Variants in ZNF527 observed in about 807,000 individuals in gnomAD.
ZNF527 encodes zinc finger protein 527.
Under a neutral mutation model 13.5 loss-of-function variants are expected in ZNF527, and 5 were observed. The ratio of observed to expected loss-of-function variants is 0.37; its 90% CI spans 0.19 to 0.78. The LOEUF (loss-of-function observed/expected upper bound fraction) is 0.78. Ranked by LOEUF, ZNF527 falls within the 30% of genes least tolerant of loss-of-function variation. ZNF527 has a pLI of 0.48. For synonymous variants in ZNF527, 209 were observed against 243.1 expected (o/e 0.86, Z 1.30); for missense variants, 628 against 726.4 (o/e 0.86, Z 1.56).
chr19:37,392,033 T>C lies in ZNF527; in HGVS notation c.*2154T>C, dbSNP rs1206967655. On this transcript the variant is annotated 3_prime_UTR_variant, in exon 5 of 5. Transcript: ENST00000436120. ...ACTTATACTTATTTCTAATAAAATC[T>C]GAAAATTATTTTTCATAAATATTCA... The C allele has an allele frequency of 6.6e-6, 1 of 152,242 alleles. No individual in the cohort carries two copies. Among genetic ancestry groups the C allele is most frequent in the Non-Finnish European group, 1.5e-5 (1 of 68,044 alleles). The allele number at this position is 152,242 out of a possible 1,614,324, so 9.4% of individuals were successfully genotyped here.
chr19:37,389,799 T>C lies in ZNF527; in HGVS notation c.1750T>C (p.Cys584Arg). ...TCACGCTGGAGAAAAACCTTATAAATGTAACGAATGTGGGAATAATTTTAG... is the reference window on the plus strand; with the variant it reads ...TCACGCTGGAGAAAAACCTTATAAACGTAACGAATGTGGGAATAATTTTAG... Reference protein sequence around the residue: ...RIHAGEKPYKCNECGNNFSCV... With the variant: ...RIHAGEKPYKRNECGNNFSCV... The change falls in exon 5 of 5, where the codon TGT (cysteine) becomes CGT (arginine). Residue 584 changes from cysteine to arginine, a missense_variant. By Grantham distance (180) the Cys-to-Arg change is radical (BLOSUM62 -3). Coordinates refer to ENST00000436120, the MANE Select transcript of ZNF527 (RefSeq NM_032453.2). 1 of 1,613,344 alleles carries C rather than the reference T, an allele frequency of 6.2e-7. No individual in the cohort carries two copies. The highest frequency in any genetic ancestry group is 8.5e-7 in the Non-Finnish European group (1 of 1,179,980).
In ZNF527 at chr19:37,389,175, C is replaced by T. The variant is rs2040728663; in HGVS notation, c.1126C>T (p.His376Tyr). The part of the protein sequence containing the change: ...AFSRYAFLVE[H>Y]QRIHTGEKPY... ...TAGCCGTTATGCCTTCCTTGTTGAA[C>T]ATCAGAGAATTCACACAGGTGAGAA... Residue 376 changes from histidine (H) to tyrosine (Y), a missense_variant, in exon 5 of 5, where the codon CAT becomes TAT. His to Tyr is a moderately conservative substitution (Grantham distance 83, BLOSUM62 2). Coordinates refer to ENST00000436120, the MANE Select transcript of ZNF527 (RefSeq NM_032453.2). 6 of 1,614,010 alleles carry T rather than the reference C, an allele frequency of 3.7e-6. No individual in the cohort carries two copies. The highest frequency in any genetic ancestry group is 5.1e-6 in the Non-Finnish European group (6 of 1,180,020).
In ZNF527 at chr19:37,391,487, T is replaced by C. The variant is rs896063331; in HGVS notation, c.*1608T>C. The C allele has an allele frequency of 2.0e-5, 3 of 151,834 alleles. No individual in the cohort carries two copies. The highest frequency in any genetic ancestry group is 7.3e-5 in the African/African-American group (3 of 41,336). The allele number at this position is 151,834 out of a possible 1,614,324, so 9.4% of individuals were successfully genotyped here. A position where few individuals can be genotyped will look rare whatever the true frequency, so the allele number is the denominator to read the frequency against. ...AGGAGGGTGAGGCAGGAGAATCACTTGAACCTGGGAAGTGGAGGTTACAGT... is the reference window on the plus strand; with the variant it reads ...AGGAGGGTGAGGCAGGAGAATCACTCGAACCTGGGAAGTGGAGGTTACAGT... On this transcript the variant is annotated 3_prime_UTR_variant, in exon 5 of 5. Transcript: ENST00000436120.
In ZNF527 at chr19:37,388,952, AT is replaced by A. The variant is rs200420244; in HGVS notation, c.904del (p.Tyr302MetfsTer126). On this transcript the variant is annotated frameshift_variant, in exon 5 of 5. Transcript: ENST00000436120. LOFTEE classifies it low-confidence loss of function (END_TRUNC). ...PQRIHSGEKP[Y>X]ACNDCGKAFS... ...AGAGAATTCACAGTGGAGAAAAACC[AT>A]ATGCATGCAATGACTGTGGAAAAGC... 0.14 allele frequency: 221,674 copies of A among 1,613,986 alleles called. 16,492 individuals are homozygous for A. The highest frequency in any genetic ancestry group is 0.15 in the Non-Finnish European group (180,792 of 1,179,888).
At chr19:37,374,059 A>C (rs978644130) in intron 1 of ZNF527, 99 bp from the exon 2 acceptor site, 3 of 777,016 alleles carry the variant, frequency 3.9e-6, no homozygotes, top group Admixed American at 2.1e-5. Flanking sequence ...AGGCTGGCCC[A>C]TGTAGGGAGA....
chr19:37,380,271 G>C lies in ZNF527; in HGVS notation c.161-6G>C, dbSNP rs2040642967. The C allele has an allele frequency of 1.2e-6, 2 of 1,613,606 alleles. No homozygotes were observed. The highest frequency in any genetic ancestry group is 1.3e-5 in the African/African-American group (1 of 74,868). ...CTTGCTCTCATTTTTCTTCCCCTGT[G>C]AACAGGACTCTCCATTTCTAAGCCC... On this transcript the variant is annotated splice_region_variant and splice_polypyrimidine_tract_variant and intron_variant, in intron 3 of 4. Coordinates refer to ENST00000436120, the MANE Select transcript of ZNF527 (RefSeq NM_032453.2).
intron 2 of ZNF527, among the ~76,000 whole-genome samples, chr19:37,378,375 C>T (rs2040624998): frequency 1.3e-5 from 2 of 152,060 alleles, no homozygotes; most frequent in Non-Finnish European, 2.9e-5. Flanking sequence ...ACTGTACATA[C>T]TGGAACCCTA....
At chr19:37,375,251 T>C (rs1029986197) in intron 2 of ZNF527, among the ~76,000 whole-genome samples, 2 of 77,212 alleles carry the variant, frequency 2.6e-5, no homozygotes, top group Non-Finnish European at 5.0e-5. Context: ...ATTTTCTTTC[T>C]TTCTTTCTTT....
chr19:37,388,412 T>C lies in ZNF527; in HGVS notation c.363T>C (p.Leu121=). 6.2e-7 allele frequency: 1 copy of C among 1,614,176 alleles called. No homozygotes were observed. The highest frequency in any genetic ancestry group is 1.1e-5 in the South Asian group (1 of 91,084). ...MVMERLASHG[L]ECSSFREAWK... Reference sequence around the variant, plus strand: ...TGGAAAGGCTAGCAAGTCATGGCCTTGAATGCTCCAGTTTCAGAGAAGCCT... The same window carrying C: ...TGGAAAGGCTAGCAAGTCATGGCCTCGAATGCTCCAGTTTCAGAGAAGCCT... The change falls in exon 5 of 5, where the codon CTT becomes CTC. Residue 121 remains leucine, a synonymous_variant. Coordinates refer to ENST00000436120, the MANE Select transcript of ZNF527 (RefSeq NM_032453.2).
In ZNF527 at chr19:37,389,456, C is replaced by A; in HGVS notation, c.1407C>A (p.Pro469=). 6 of 1,613,862 alleles carry A rather than the reference C, an allele frequency of 3.7e-6. No homozygotes were observed. The highest frequency in any genetic ancestry group is 5.1e-6 in the Non-Finnish European group (6 of 1,179,984). ...AGAGAATTCATACCGGAGAAAAGCC[C>A]TATGAATGCATCAAATGTGGGAAGT... ...QHQRIHTGEK[P]YECIKCGKFF... The change falls in exon 5 of 5, where the codon CCC becomes CCA. Residue 469 remains proline, a synonymous_variant. Transcript: ENST00000436120.
At chr19:37,386,695 C>T (rs2040702913) in intron 4 of ZNF527, among the ~76,000 whole-genome samples, 1 of 152,236 alleles carries the variant, frequency 6.6e-6, no homozygotes, top group African/African-American at 2.4e-5. Context: ...GTGGTTGGAG[C>T]TCCAGGCACC....
rs751623640 is a variant in ZNF527 at position 37,388,444 on chromosome 19, A to G, written c.395A>G (p.Tyr132Cys). The change falls in exon 5 of 5, where the codon TAT (tyrosine) becomes TGT (cysteine). Residue 132 changes from tyrosine to cysteine, a missense_variant. Coordinates refer to ENST00000436120, the MANE Select transcript of ZNF527 (RefSeq NM_032453.2). The part of the protein sequence containing the change: ...ECSSFREAWK[Y>C]KGEFELHQGN... ...TCCAGTTTCAGAGAAGCCTGGAAAT[A>G]TAAGGGTGAATTTGAGCTACATCAG... 6.2e-7 allele frequency: 1 copy of G among 1,614,202 alleles called. No individual in the cohort carries two copies. Among genetic ancestry groups the G allele is most frequent in the East Asian group, 2.2e-5 (1 of 44,876 alleles).
chr19:37,375,504 G>A (rs1265108540), intron 2 of ZNF527, among the ~76,000 whole-genome samples: 1 of 151,130 alleles, frequency 6.6e-6, no homozygotes, highest in Non-Finnish European at 1.5e-5. Flanking sequence ...TGGGACTATA[G>A]GCACACACCA....
At chr19:37,385,968 A>G (rs2040694331) in intron 4 of ZNF527, among the ~76,000 whole-genome samples, 1 of 151,998 alleles carries the variant, frequency 6.6e-6, no homozygotes, top group Non-Finnish European at 1.5e-5. Context: ...ATTGAGATGT[A>G]TAAGATAGTT....
At chr19:37,385,026 G>T (rs1219724928) in intron 4 of ZNF527, 2 of 694,216 alleles carry the variant, frequency 2.9e-6, no homozygotes, top group African/African-American at 1.8e-5. Context: ...AGGTCTCACT[G>T]TGTTGCCCAG....
chr19:37,386,812 G>C (rs1394953478), intron 4 of ZNF527, among the ~76,000 whole-genome samples: 2 of 152,326 alleles, frequency 1.3e-5, no homozygotes, highest in East Asian at 3.9e-4. Flanking sequence ...CTGGAGTAAA[G>C]ACTTATTTTT....
In ZNF527 at chr19:37,391,652, CTAGAGA is replaced by C. The variant is rs2040755814; in HGVS notation, c.*1776_*1781del. ...AAGTGTATGGATAACTTCTTTGCAG[CTAGAGA>C]TATCAAACAAAGATATTGCTGGCAG... On this transcript the variant is annotated 3_prime_UTR_variant, in exon 5 of 5. Transcript: ENST00000436120. 1 of 151,670 alleles carries C rather than the reference CTAGAGA, an allele frequency of 6.6e-6. No individual in the cohort carries two copies. The highest frequency in any genetic ancestry group is 1.5e-5 in the Non-Finnish European group (1 of 67,942). The allele number at this position is 151,670 out of a possible 1,614,324, so 9.4% of individuals were successfully genotyped here.
intron 2 of ZNF527, among the ~76,000 whole-genome samples, chr19:37,376,677 A>C (rs1409906897): frequency 7.4e-6 from 1 of 134,922 alleles, no homozygotes; most frequent in African/African-American, 2.7e-5. Flanking sequence ...GTGAAACTCC[A>C]TCTCCAAAAA....
At chr19:37,379,405 A>G in intron 3 of ZNF527, 159 bp downstream of exon 3, 1 of 564,704 alleles carries the variant, frequency 1.8e-6, no homozygotes, top group African/African-American at 2.0e-5. Context: ...TATTTGCTTA[A>G]ATTTTAATTA....
Sources: gnomAD v4.1 joint callset for allele counts (sites outside exome capture counted in the v4.1 genomes callset) on GRCh38, gnomAD v4.1.1 for gene constraint, MANE v1.5 for transcripts, NCBI Gene and HGNC (gene_info 2026-07-23, HGNC 2026-07-21) for gene names.